The following SLC22A9 variants were observed in gnomAD, a reference collection of about 807,000 sequenced individuals.
SLC22A9 encodes the protein organic anion transporter 7.
A neutral mutation model predicts 50.1 loss-of-function variants in SLC22A9; 64 were observed. The ratio of observed to expected loss-of-function variants is 1.28; its 90% CI spans 1.04 to 1.57. The LOEUF is 1.57. Among genes scored for constraint, SLC22A9 ranks in the 40% most tolerant of loss-of-function variants. The pLI is 0.00. For missense variants in SLC22A9, 757 were observed against 676.1 expected, an observed-to-expected ratio of 1.12 and a Z score of -1.33; for synonymous variants, 261 against 242.5, an observed-to-expected ratio of 1.08 and a Z score of -0.71.
chr11:63,381,935 CTT>C (rs1310216844), intron 5 of SLC22A9, among the ~76,000 whole-genome samples: 1 of 152,150 alleles, frequency 6.6e-6, no homozygotes, highest in African/African-American at 2.4e-5. Flanking sequence ...ACTTGGATCT[CTT>C]GTCTAAAATA....
At chr11:63,376,526 T>C (rs1278779911) in intron 5 of SLC22A9, among the ~76,000 whole-genome samples, 3 of 150,668 alleles carry the variant, frequency 2.0e-5, no homozygotes, top group Non-Finnish European at 3.0e-5. Context: ...TAAGTCAAGG[T>C]AACTACCTGA....
intron 6 of SLC22A9, among the ~76,000 whole-genome samples, chr11:63,399,715 G>A (rs1190109603): frequency 1.3e-5 from 2 of 152,060 alleles, no homozygotes; most frequent in Non-Finnish European, 2.9e-5. Flanking sequence ...AATTTTTACA[G>A]AACATTTTAC....
intron 6 of SLC22A9, among the ~76,000 whole-genome samples, chr11:63,401,260 A>C (rs1457735909): frequency 6.6e-6 from 1 of 152,020 alleles, no homozygotes; most frequent in East Asian, 1.9e-4. Flanking sequence ...AAACCCAAAG[A>C]CCCTCTCAAA....
At chr11:63,386,827 TTTGTTTTTTTGTTTTGTTTTG>T (rs1050872241) in intron 6 of SLC22A9, among the ~76,000 whole-genome samples, 1 of 151,600 alleles carries the variant, frequency 6.6e-6, no homozygotes, top group African/African-American at 2.4e-5. Context: ...TGTTGATGAT[TTTGTTTTTTTGTTTTGTTTTG>T]TTTTTTGTTT....
intron 8 of SLC22A9, 42 bp downstream of exon 8, chr11:63,408,262 C>A: frequency 6.8e-7 from 1 of 1,480,946 alleles, no homozygotes; most frequent in East Asian, 2.3e-5. Flanking sequence ...CAAAATGGAC[C>A]TTTCTCAGAT....
intron 6 of SLC22A9, among the ~76,000 whole-genome samples, chr11:63,403,413 C>T (rs1338087970): frequency 6.6e-6 from 1 of 152,030 alleles, no homozygotes; most frequent in African/African-American, 2.4e-5. Flanking sequence ...CTTTCCCACA[C>T]AAACAAAAGT....
intron 4 of SLC22A9, among the ~76,000 whole-genome samples, chr11:63,374,695 C>T (rs2014429289): frequency 6.6e-6 from 1 of 152,026 alleles, no homozygotes; most frequent in Admixed American, 6.6e-5. Flanking sequence ...ATTTGAGGAG[C>T]TATCTTCCAT....
chr11:63,400,674 A>G (rs573031947), intron 6 of SLC22A9, among the ~76,000 whole-genome samples: 1 of 152,294 alleles, frequency 6.6e-6, no homozygotes, highest in South Asian at 2.1e-4. Context: ...CAAGGCCAGC[A>G]TTACCCTGAT....
intron 5 of SLC22A9, among the ~76,000 whole-genome samples, chr11:63,376,782 C>A (rs546202274): frequency 4.5e-4 from 68 of 150,890 alleles, no homozygotes; most frequent in South Asian, 1.0e-3. Flanking sequence ...AAAATACACC[C>A]AATTGTATAC....
At position 63,409,870 on chromosome 11, in the gene SLC22A9, C is replaced by T; in HGVS notation, c.*8C>T. On this transcript the variant is annotated 3_prime_UTR_variant, in exon 10 of 10. Coordinates refer to ENST00000279178, the MANE Select transcript of SLC22A9 (RefSeq NM_080866.3). ...GAAGTGACGCAGTTTTAAGGAATTCCAGGAGCTGACTGCCGATCAATGAGC... is the reference window on the plus strand; with the variant it reads ...GAAGTGACGCAGTTTTAAGGAATTCTAGGAGCTGACTGCCGATCAATGAGC... 6.2e-7 allele frequency: 1 copy of T among 1,613,142 alleles called. No individual in the cohort carries two copies. The highest frequency in any genetic ancestry group is 8.5e-7 in the Non-Finnish European group (1 of 1,179,580).
intron 6 of SLC22A9, among the ~76,000 whole-genome samples, chr11:63,395,906 T>C (rs1476203076): frequency 6.6e-6 from 1 of 151,442 alleles, no homozygotes; most frequent in East Asian, 2.0e-4. Context: ...AGGGGTGAGG[T>C]TCCCAGGTCA....
rs1010036001 is a variant in SLC22A9 at position 63,406,667 on chromosome 11, T to C, written c.1244T>C (p.Phe415Ser). ...CGAGCAAGCCAGATGCTTCTCATGTTCCTACTGGCAATCTGCCTTCTGGCC... is the reference window on the plus strand; with the variant it reads ...CGAGCAAGCCAGATGCTTCTCATGTCCCTACTGGCAATCTGCCTTCTGGCC... ...NRRASQMLLM[F>S]LLAICLLAII... is the part of the protein sequence containing the mutation. Residue 415 changes from phenylalanine to serine, a missense_variant, in exon 7 of 10, where the codon TTC becomes TCC. Coordinates refer to ENST00000279178, the MANE Select transcript of SLC22A9 (RefSeq NM_080866.3). 9.9e-6 allele frequency: 16 copies of C among 1,613,632 alleles called. No individual in the cohort carries two copies. Among genetic ancestry groups the C allele is most frequent in the Admixed American group, 8.3e-5 (5 of 59,894 alleles).
rs752865437 is a variant in SLC22A9 at position 63,370,458 on chromosome 11, G to C, written c.402G>C (p.Glu134Asp). Residue 134 changes from glutamate (E) to aspartate (D), a missense_variant and splice_region_variant, in exon 1 of 10, where the codon GAG becomes GAC. Glu to Asp is a conservative substitution (Grantham distance 45). Transcript: ENST00000279178. ...CCTTCTCATCCACCATCGTGACTGA[G>C]GTAAGAGGCTCTGTTCTCGTCTCAT... Reference protein sequence around the residue: ...RISFSSTIVTEWDLVCDSQSL... With the variant: ...RISFSSTIVTDWDLVCDSQSL... The C allele has an allele frequency of 4.4e-5, 69 of 1,575,310 alleles. No individual in the cohort carries two copies. The South Asian group carries it at 8.3e-4, about 19-fold the overall frequency.
intron 6 of SLC22A9, among the ~76,000 whole-genome samples, chr11:63,405,599 T>G (rs2015023747): frequency 6.6e-6 from 1 of 152,176 alleles, no homozygotes. Flanking sequence ...CAGGACCAAC[T>G]ACACAGTGAA....
At chr11:63,400,013 C>G (rs988571691) in intron 6 of SLC22A9, among the ~76,000 whole-genome samples, 1 of 151,892 alleles carries the variant, frequency 6.6e-6, no homozygotes, top group Non-Finnish European at 1.5e-5. Context: ...ATATACCAAA[C>G]CTTTGAGATA....
At chr11:63,373,271 A>T (rs2014397202) in intron 2 of SLC22A9, among the ~76,000 whole-genome samples, 1 of 151,956 alleles carries the variant, frequency 6.6e-6, no homozygotes, top group African/African-American at 2.4e-5. Context: ...CTTATAGGCT[A>T]TGCCCTGCTC....
rs1281523768 is a variant in SLC22A9, at chr11:63,371,048, G to A, written c.403-87G>A. On this transcript the variant is annotated intron_variant, in intron 1 of 9. Coordinates refer to ENST00000279178, the MANE Select transcript of SLC22A9 (RefSeq NM_080866.3). Reference sequence around the variant, plus strand: ...AGAGGAAGTTAGAGACTTAATATTAGGAAACTTGCAGATCATGCTAAGAAG... The same window carrying A: ...AGAGGAAGTTAGAGACTTAATATTAAGAAACTTGCAGATCATGCTAAGAAG... 78 of 940,802 alleles carry A rather than the reference G, an allele frequency of 8.3e-5. 1 individual carries two copies. Among genetic ancestry groups the A allele is most frequent in the Non-Finnish European group, 1.3e-5 (8 of 609,070 alleles). The allele number at this position is 940,802 out of a possible 1,614,324, so 58.3% of individuals were successfully genotyped here. A position where few individuals can be genotyped will look rare whatever the true frequency, so the allele number is the denominator to read the frequency against.
chr11:63,402,471 A>G (rs2014966896), intron 6 of SLC22A9, among the ~76,000 whole-genome samples: 1 of 152,008 alleles, frequency 6.6e-6, no homozygotes, highest in Non-Finnish European at 1.5e-5. Context: ...GCATTGGTCT[A>G]TGTATCTGCT....
chr11:63,404,227 ACTGT>A (rs61217752), intron 6 of SLC22A9, among the ~76,000 whole-genome samples: 32,982 of 151,046 alleles, frequency 0.22, 4,236 homozygotes, highest in East Asian at 0.68. Context: ...AAGAACAAAC[ACTGT>A]CTGATTTCAC....
Sources: gnomAD v4.1 joint callset for allele counts (sites outside exome capture counted in the v4.1 genomes callset) on GRCh38, gnomAD v4.1.1 for gene constraint, MANE v1.5 for transcripts, NCBI Gene and HGNC (gene_info 2026-07-23, HGNC 2026-07-21) for gene names.